Variants in ADAMTS3 observed in about 807,000 individuals in gnomAD.
The protein encoded by ADAMTS3 is A disintegrin and metalloproteinase with thrombospondin motifs 3.
A neutral mutation model predicts 129.0 loss-of-function variants in ADAMTS3; 73 were observed. The observed-to-expected ratio is 0.57, with a 90% CI of 0.47 to 0.69. The LOEUF (loss-of-function observed/expected upper bound fraction) is 0.69. ADAMTS3 is among the 30% of genes least tolerant of loss of function. ADAMTS3 has a pLI of 0.00. For synonymous variants in ADAMTS3, 477 were observed against 510.8 expected, an observed-to-expected ratio of 0.93 and a Z score of 0.89; for missense variants, 1,457 against 1,514.5, an observed-to-expected ratio of 0.96 and a Z score of 0.63.
At chr4:72,366,369 G>A (rs144531510) in intron 4 of ADAMTS3, among the ~76,000 whole-genome samples, 31 of 152,294 alleles carry the variant, frequency 2.0e-4, no homozygotes, top group East Asian at 1.7e-3. Flanking sequence ...AGAAGACGAT[G>A]TGAAGTTTTC....
At position 72,467,119 on chromosome 4, in the gene ADAMTS3, T is replaced by C. The variant is rs192124328; in HGVS notation, c.505-52148A>G. The stretch of plus-strand genomic sequence containing the variant: ...AAAAAGCTTTCCCCTCTCCTCCATT[T>C]TCCATAGTCAGCCAAACCTGAAGCC... On this transcript the variant is annotated intron_variant, in intron 3 of 21. Coordinates refer to ENST00000286657, the MANE Select transcript of ADAMTS3 (RefSeq NM_014243.3). 1.2e-3 allele frequency among the ~76,000 whole-genome samples: 183 copies of C among 152,224 alleles called. 2 individuals carry two copies. In the South Asian group the frequency reaches 0.014, roughly 12 times the overall value.
intron 3 of ADAMTS3, among the ~76,000 whole-genome samples, chr4:72,446,605 T>C (rs901907419): frequency 4.6e-5 from 7 of 151,676 alleles, no homozygotes; most frequent in African/African-American, 1.7e-4. Context: ...GGGAAGGCTA[T>C]GATGAAGTCT....
intron 19 of ADAMTS3, among the ~76,000 whole-genome samples, chr4:72,292,419 G>T (rs1718697342): frequency 1.3e-5 from 2 of 152,126 alleles, no homozygotes; most frequent in East Asian, 1.9e-4. Flanking sequence ...TCTTCTTATT[G>T]GCCCTTACTG....
chr4:72,289,357 T>C (rs1038848249), intron 20 of ADAMTS3, among the ~76,000 whole-genome samples: 4 of 152,222 alleles, frequency 2.6e-5, no homozygotes, highest in African/African-American at 7.2e-5. Context: ...TTCTTACAGA[T>C]AGCAGAATTT....
intron 4 of ADAMTS3, among the ~76,000 whole-genome samples, chr4:72,361,794 C>G (rs555790265): frequency 2.0e-5 from 3 of 152,128 alleles, no homozygotes; most frequent in Admixed American, 6.6e-5. Context: ...TAACAATCAT[C>G]TTATGCTTGG....
intron 3 of ADAMTS3, among the ~76,000 whole-genome samples, chr4:72,498,613 C>T (rs1039309667): frequency 6.6e-6 from 1 of 151,606 alleles, no homozygotes; most frequent in Admixed American, 6.6e-5. Context: ...CTGAAATATT[C>T]AATATTCCCT....
intron 19 of ADAMTS3, among the ~76,000 whole-genome samples, chr4:72,294,616 C>T (rs564871587): frequency 3.3e-5 from 5 of 152,048 alleles, no homozygotes; most frequent in South Asian, 4.1e-4. Flanking sequence ...CACAGCACAA[C>T]GATGAGTAAA....
chr4:72,482,716 T>C (rs1054752724), intron 3 of ADAMTS3, among the ~76,000 whole-genome samples: 12 of 152,224 alleles, frequency 7.9e-5, no homozygotes, highest in African/African-American at 2.6e-4. Flanking sequence ...TCTATAACTA[T>C]CTCAAAAAGG....
In ADAMTS3 at chr4:72,549,973, AGAAGAAGAAGAAGAAGAAGAGGAAGAG is replaced by A. The variant is rs1560563758; in HGVS notation, c.98-1116_98-1090del. On this transcript the variant is annotated intron_variant, in intron 2 of 21. Coordinates refer to ENST00000286657, the MANE Select transcript of ADAMTS3 (RefSeq NM_014243.3). ...GGTAAAAAAAAAAAAAAGAAGAAGAAGAAGAAGAAGAAGAAGAAGAGGAAGAGGAAGAAGAAGAAGAAGAAGAAGAAG... is the reference window on the plus strand; with the variant it reads ...GGTAAAAAAAAAAAAAAGAAGAAGAAGAAGAAGAAGAAGAAGAAGAAGAAG... 4.8e-3 allele frequency among the ~76,000 whole-genome samples: 143 copies of A among 29,550 alleles called. 13 individuals carry two copies. The highest frequency in any genetic ancestry group is 0.03 in the African/African-American group (137 of 4,500). 19.4% of individuals were successfully genotyped at this position (29,550 alleles called of 152,430 possible).
chr4:72,283,481 A>T lies in ADAMTS3; in HGVS notation c.3273T>A (p.Pro1091=), dbSNP rs1387139103. The T allele has an allele frequency of 6.2e-7, 1 of 1,614,022 alleles. No homozygotes were observed. The highest frequency in any genetic ancestry group is 1.1e-5 in the South Asian group (1 of 91,078). The change falls in exon 22 of 22, where the codon CCT becomes CCA. Residue 1091 remains proline (P), a synonymous_variant. Coordinates refer to ENST00000286657, the MANE Select transcript of ADAMTS3 (RefSeq NM_014243.3). ...RSLVMPTSLV[P]YHSETPAKKM... The stretch of plus-strand genomic sequence containing the variant: ...TCTTTGCAGGGGTCTCTGAATGATA[A>T]GGAACCAAAGATGTAGGCATCACTA...
rs565373271 is a variant in ADAMTS3 at position 72,462,274 on chromosome 4, T to A, written c.505-47303A>T. Among the ~76,000 whole-genome samples the A allele has an allele frequency of 2.0e-5, 3 of 152,006 alleles. No individual in the cohort carries two copies. In the East Asian group the frequency reaches 5.8e-4, roughly 30 times the overall value. On this transcript the variant is annotated intron_variant, in intron 3 of 21. Transcript: ENST00000286657. ...CAGCAACCTCACGAGATTATCAACA[T>A]CTATAACAACATAAGGAATATTATA...
At chr4:72,330,844 T>G (rs1719826426) in intron 5 of ADAMTS3, 1 of 152,208 alleles carries the variant, frequency 6.6e-6, no homozygotes. Context: ...CAAACTCTTG[T>G]GTCCTTTGTA....
At chr4:72,433,299 G>C (rs180943651) in intron 3 of ADAMTS3, among the ~76,000 whole-genome samples, 78 of 151,916 alleles carry the variant, frequency 5.1e-4, no homozygotes, top group African/African-American at 1.8e-3. Context: ...AGTTTCCTTT[G>C]TTTTCATTTA....
intron 3 of ADAMTS3, among the ~76,000 whole-genome samples, chr4:72,539,893 A>G (rs142428590): frequency 1.3e-5 from 2 of 152,200 alleles, no homozygotes; most frequent in African/African-American, 2.4e-5. Flanking sequence ...GAGTCCAATT[A>G]AACCTCTTTC....
chr4:72,357,040 T>G (rs80319786), intron 4 of ADAMTS3, among the ~76,000 whole-genome samples: 3,230 of 152,010 alleles, frequency 0.021, 127 homozygotes, highest in East Asian at 0.18. Flanking sequence ...ATACAAAGAT[T>G]TTTAACATTG....
chr4:72,336,567 C>A (rs553759317), intron 5 of ADAMTS3, among the ~76,000 whole-genome samples: 2 of 152,256 alleles, frequency 1.3e-5, no homozygotes, highest in African/African-American at 4.8e-5. Flanking sequence ...CAGGCTACAA[C>A]AGGGCAGAGG....
At chr4:72,556,022 T>A (rs149723656) in intron 2 of ADAMTS3, among the ~76,000 whole-genome samples, 2 of 151,812 alleles carry the variant, frequency 1.3e-5, no homozygotes, top group East Asian at 3.9e-4. Context: ...AATTACTCAG[T>A]CTCAGGTAAT....
chr4:72,304,398 T>C (rs2109788845), intron 16 of ADAMTS3, among the ~76,000 whole-genome samples: 1 of 152,244 alleles, frequency 6.6e-6, no homozygotes, highest in South Asian at 2.1e-4. Context: ...ATATATTTCC[T>C]TAGAAAACTG....
At chr4:72,470,368 T>TATATAC (rs1719037057) in intron 3 of ADAMTS3, among the ~76,000 whole-genome samples, 1 of 143,624 alleles carries the variant, frequency 7.0e-6, no homozygotes, top group Admixed American at 7.1e-5. Flanking sequence ...AGTTTATATA[T>TATATAC]ATATATATAC....
Sources: gnomAD v4.1 joint callset for allele counts (sites outside exome capture counted in the v4.1 genomes callset) on GRCh38, gnomAD v4.1.1 for gene constraint, MANE v1.5 for transcripts, NCBI Gene and HGNC (gene_info 2026-07-23, HGNC 2026-07-21) for gene names.